Variants in SRFBP1 observed in about 807,000 individuals in gnomAD.
The protein encoded by SRFBP1 is serum response factor binding protein 1.
In SRFBP1, 47 loss-of-function variants were observed where a neutral mutation model predicts 45.5. That is an observed-to-expected ratio of 1.03 (90% CI 0.82 to 1.32). The LOEUF is 1.32. Among genes scored for constraint, SRFBP1 ranks in the 40% most tolerant of loss-of-function variants. SRFBP1 has a pLI of 0.00. For missense variants in SRFBP1, 621 were observed against 484.6 expected (o/e 1.28, Z -2.64); for synonymous variants, 203 against 166.3 (o/e 1.22, Z -1.70).
Position 122,020,412 on chromosome 5 carries a change from A to G in SRFBP1, c.677A>G (p.Lys226Arg), listed in dbSNP as rs1026867780. Residue 226 changes from lysine (K) to arginine (R), a missense_variant, in exon 6 of 8, where the codon AAA (lysine) becomes AGA (arginine). Lys to Arg is a conservative substitution (Grantham distance 26). Transcript: ENST00000339397. Reference sequence around the variant, plus strand: ...TCCCAGAAGACACCTGCTGACCCAAAACTGAAAACTCTAAGTCAAACCAAA... The same window carrying G: ...TCCCAGAAGACACCTGCTGACCCAAGACTGAAAACTCTAAGTCAAACCAAA... Reference protein sequence around the residue: ...LESQKTPADPKLKTLSQTKKN... With the variant: ...LESQKTPADPRLKTLSQTKKN... 2.5e-6 allele frequency: 4 copies of G among 1,614,120 alleles called. No individual in the cohort carries two copies. Among genetic ancestry groups the G allele is most frequent in the Non-Finnish European group, 2.5e-6 (3 of 1,179,988 alleles).
chr5:122,019,776 T>A (rs992372216), intron 5 of SRFBP1, among the ~76,000 whole-genome samples: 1 of 151,966 alleles, frequency 6.6e-6, no homozygotes, highest in African/African-American at 2.4e-5. Flanking sequence ...TATTATTATA[T>A]AAATTAAAGT....
At chr5:122,045,979 T>C (rs1323319526) in intron 2 of SRFBP1, among the ~76,000 whole-genome samples, 1 of 152,146 alleles carries the variant, frequency 6.6e-6, no homozygotes, top group African/African-American at 2.4e-5. Context: ...CAGTATGATG[T>C]TGGCTGTGGG....
rs1753300735 is a variant in SRFBP1, at chr5:122,020,793, G to A, written c.1058G>A (p.Ser353Asn). 1.3e-6 allele frequency: 2 copies of A among 1,552,788 alleles called. No individual in the cohort carries two copies. The highest frequency in any genetic ancestry group is 1.7e-6 in the Non-Finnish European group (2 of 1,157,002). ...VFFHSLSGSKSSRRNFKEQAP... is the reference protein window; with the variant it reads ...VFFHSLSGSKNSRRNFKEQAP... ...TTCCACTCTTTATCTGGATCTAAAA[G>A]CTCTAGAAGGTAAGATTCTTTTTCT... Residue 353 changes from serine to asparagine, a missense_variant, in exon 6 of 8, where the codon AGC becomes AAC. By Grantham distance (46) the Ser-to-Asn change is conservative. Coordinates refer to ENST00000339397, the MANE Select transcript of SRFBP1 (RefSeq NM_152546.3).
chr5:122,024,794 A>G lies in SRFBP1; in HGVS notation c.1106-2148A>G, dbSNP rs138058006. On this transcript the variant is annotated intron_variant, in intron 7 of 7. Transcript: ENST00000339397. ...ACATTTTCACAATGAGACTATCCAA[A>G]TAAAGGGTTTTTTGTGCTTAGCTTG... Among the ~76,000 whole-genome samples the G allele has an allele frequency of 6.8e-3, 1,038 of 152,338 alleles. 6 individuals are homozygous for G. Among genetic ancestry groups the G allele is most frequent in the Non-Finnish European group, 8.8e-3 (597 of 68,022 alleles).
chr5:122,057,118 C>A (rs1037132876), intron 2 of SRFBP1, among the ~76,000 whole-genome samples: 1 of 152,148 alleles, frequency 6.6e-6, no homozygotes, highest in Non-Finnish European at 1.5e-5. Flanking sequence ...TTTCCAGTAA[C>A]CTCTTTGAAA....
downstream of SRFBP1, among the ~76,000 whole-genome samples, chr5:122,033,428 A>G (rs1470563658): frequency 6.6e-6 from 1 of 151,504 alleles, no homozygotes; most frequent in East Asian, 1.9e-4. Flanking sequence ...TTTCCTTACA[A>G]CGGTTTGCTT....
chr5:122,047,499 CT>C (rs1753885263), intron 2 of SRFBP1, among the ~76,000 whole-genome samples: 1 of 152,112 alleles, frequency 6.6e-6, no homozygotes, highest in Non-Finnish European at 1.5e-5. Flanking sequence ...CAGCTTTGTT[CT>C]TTTGGCTTAG....
At chr5:122,066,775 A>G in intron 2 of SRFBP1, 1 of 1,490,430 alleles carries the variant, frequency 6.7e-7, no homozygotes, top group Non-Finnish European at 9.4e-7. Flanking sequence ...AAAATAAGAC[A>G]AATTATTAAC....
chr5:122,023,731 T>G (rs1216406152), intron 7 of SRFBP1, among the ~76,000 whole-genome samples: 1 of 152,146 alleles, frequency 6.6e-6, no homozygotes, highest in Admixed American at 6.5e-5. Flanking sequence ...TGATGAAGAT[T>G]GTACAAAGTT....
At chr5:122,018,170 A>T (rs896892830) in intron 4 of SRFBP1, among the ~76,000 whole-genome samples, 1 of 152,234 alleles carries the variant, frequency 6.6e-6, no homozygotes, top group Non-Finnish European at 1.5e-5. Flanking sequence ...TAAGCATCAG[A>T]AAGCAATAAA....
chr5:121,962,079 A>C lies in SRFBP1; in HGVS notation c.36+11A>C. 6.2e-7 allele frequency: 1 copy of C among 1,614,040 alleles called. No homozygotes were observed. The highest frequency in any genetic ancestry group is 1.6e-4 in the Middle Eastern group (1 of 6,062). ...AACCTCAATAACGAGGTGAGCGCCGAGGAACCTATGGGGCTGACTTTAAGG... is the reference window on the plus strand; with the variant it reads ...AACCTCAATAACGAGGTGAGCGCCGCGGAACCTATGGGGCTGACTTTAAGG... On this transcript the variant is annotated intron_variant, in intron 1 of 7. Transcript: ENST00000339397.
At chr5:121,986,492 C>T (rs1752520992) in intron 3 of SRFBP1, among the ~76,000 whole-genome samples, 1 of 151,976 alleles carries the variant, frequency 6.6e-6, no homozygotes. Flanking sequence ...ACCATGTGGC[C>T]CAGCATGTTT....
At chr5:122,064,751 C>G (rs1754254113) in intron 2 of SRFBP1, 1 of 151,758 alleles carries the variant, frequency 6.6e-6, no homozygotes. Context: ...CATGTGAGTA[C>G]TTGGCATATA....
At chr5:122,003,761 T>G (rs548402901) in intron 4 of SRFBP1, among the ~76,000 whole-genome samples, 20 of 152,330 alleles carry the variant, frequency 1.3e-4, no homozygotes, top group African/African-American at 4.8e-4. Flanking sequence ...TTCTTATGGG[T>G]TAGAGGTGAT....
At chr5:121,971,388 A>C (rs750252207) in intron 1 of SRFBP1, among the ~76,000 whole-genome samples, 3 of 151,938 alleles carry the variant, frequency 2.0e-5, no homozygotes, top group Non-Finnish European at 4.4e-5. Context: ...ACCTCTAAAG[A>C]CCTTTAGGTG....
chr5:122,039,229 G>T (rs933041691), intron 2 of SRFBP1, among the ~76,000 whole-genome samples: 1 of 152,142 alleles, frequency 6.6e-6, no homozygotes, highest in Non-Finnish European at 1.5e-5. Context: ...GGTGGCAGGG[G>T]AGAAATTTCT....
At chr5:122,078,202 C>T (rs1754698754), downstream of SRFBP1, 2 of 447,164 alleles carry the variant, frequency 4.5e-6, no homozygotes, top group Non-Finnish European at 3.8e-6. Context: ...TTTCCCCTTT[C>T]TCAGTCCTGG....
At chr5:121,992,192 A>G (rs1752634290) in intron 3 of SRFBP1, among the ~76,000 whole-genome samples, 1 of 152,068 alleles carries the variant, frequency 6.6e-6, no homozygotes, top group African/African-American at 2.4e-5. Flanking sequence ...GTAGACTTTC[A>G]GTGGGGCCAT....
chr5:121,963,520 C>G (rs1167903508), intron 1 of SRFBP1, among the ~76,000 whole-genome samples: 1 of 152,100 alleles, frequency 6.6e-6, no homozygotes, highest in African/African-American at 2.4e-5. Context: ...TCATTAAAGA[C>G]TCTTTTCACA....
Sources: gnomAD v4.1 joint callset for allele counts (sites outside exome capture counted in the v4.1 genomes callset) on GRCh38, gnomAD v4.1.1 for gene constraint, MANE v1.5 for transcripts, NCBI Gene and HGNC (gene_info 2026-07-23, HGNC 2026-07-21) for gene names.